The following FAM110B variants were observed in gnomAD, a reference collection of about 807,000 sequenced individuals.
FAM110B encodes the protein protein FAM110B.
In FAM110B, 6 loss-of-function variants were observed where a neutral mutation model predicts 20.4. That is an observed-to-expected ratio of 0.29 (90% CI 0.16 to 0.58). The LOEUF is 0.58. Among genes scored for constraint, FAM110B ranks in the 20% least tolerant of loss-of-function variants. The probability of loss-of-function intolerance (pLI) is 0.90; values close to 1 mark genes in which losing one functional copy is unlikely to be tolerated. For missense variants in FAM110B, 434 were observed against 498.2 expected (o/e 0.87, Z 1.23); for synonymous variants, 226 against 214.1 (o/e 1.06, Z -0.49).
chr8:58,079,623 T>A (rs191578873), intron 3 of FAM110B, among the ~76,000 whole-genome samples: 174 of 151,920 alleles, frequency 1.1e-3, no homozygotes, highest in African/African-American at 3.0e-3. Context: ...CAAAAAAAAA[T>A]TTTTTAAATT....
At chr8:58,037,405 T>C (rs1030972577) in intron 2 of FAM110B, among the ~76,000 whole-genome samples, 4 of 151,808 alleles carry the variant, frequency 2.6e-5, no homozygotes, top group Admixed American at 6.6e-5. Context: ...GGAGGCCAAA[T>C]TGGGAGGATT....
intron 1 of FAM110B, among the ~76,000 whole-genome samples, chr8:58,017,195 A>G (rs1804656381): frequency 6.6e-6 from 1 of 152,186 alleles, no homozygotes; most frequent in South Asian, 2.1e-4. Flanking sequence ...TCCTCAACAA[A>G]GATTTGAGCA....
At position 58,101,513 on chromosome 8, in the gene FAM110B, A is replaced by C. The variant is rs577230726; in HGVS notation, c.-325+25890A>C. ...GTGAACTCTCTAAACATTTTTTTAAAACTTTTCATCAAATAGTAATTCCAT... is the reference window on the plus strand; with the variant it reads ...GTGAACTCTCTAAACATTTTTTTAACACTTTTCATCAAATAGTAATTCCAT... On this transcript the variant is annotated intron_variant, in intron 3 of 3. Coordinates refer to ENST00000519262, the MANE Select transcript of FAM110B (RefSeq NM_001377989.1). 4.6e-5 allele frequency among the ~76,000 whole-genome samples: 7 copies of C among 152,308 alleles called. 1 individual carries two copies. In the East Asian group the frequency reaches 1.3e-3, roughly 29 times the overall value.
intron 3 of FAM110B, among the ~76,000 whole-genome samples, chr8:58,095,062 G>A (rs1806586657): frequency 1.3e-5 from 2 of 152,204 alleles, no homozygotes; most frequent in Admixed American, 1.3e-4. Context: ...ATTCTCTGAT[G>A]GTAGTTTGTA....
At chr8:58,142,871 A>G (rs551189701) in intron 3 of FAM110B, among the ~76,000 whole-genome samples, 3 of 152,280 alleles carry the variant, frequency 2.0e-5, no homozygotes, top group Admixed American at 2.0e-4. Context: ...CTTCCTCAAA[A>G]CAACACGAAG....
At chr8:58,111,939 T>C (rs1224742008) in intron 3 of FAM110B, among the ~76,000 whole-genome samples, 1 of 152,220 alleles carries the variant, frequency 6.6e-6, no homozygotes, top group South Asian at 2.1e-4. Flanking sequence ...TTAGTTACAC[T>C]TCAAGCAAAA....
intron 3 of FAM110B, among the ~76,000 whole-genome samples, chr8:58,096,869 C>T (rs1936144534): frequency 1.3e-5 from 2 of 152,086 alleles, no homozygotes. Context: ...GAATATTGGC[C>T]CCCAGTCTCT....
intron 3 of FAM110B, among the ~76,000 whole-genome samples, chr8:58,096,487 CTT>C (rs1293054156): frequency 1.3e-5 from 2 of 152,282 alleles, no homozygotes; most frequent in Admixed American, 1.3e-4. Context: ...GGTCTTGACT[CTT>C]TATCCAATTT....
intron 1 of FAM110B, among the ~76,000 whole-genome samples, chr8:58,025,780 A>T (rs1437173642): frequency 6.6e-6 from 1 of 152,204 alleles, no homozygotes; most frequent in Non-Finnish European, 1.5e-5. Flanking sequence ...GGATGTTCTT[A>T]TCATGAGCTG....
rs904485387 is a variant in FAM110B at position 58,026,642 on chromosome 8, C to G, written c.-511-4964C>G. On this transcript the variant is annotated intron_variant, in intron 1 of 3. Coordinates refer to ENST00000519262, the MANE Select transcript of FAM110B (RefSeq NM_001377989.1). ...TTTAACAAGGGGATTGTATTACTTG[C>G]AAGAAGTATGGACACCAGGATAGTT... 5.9e-5 allele frequency among the ~76,000 whole-genome samples: 9 copies of G among 152,206 alleles called. No individual in the cohort carries two copies. In the East Asian group the frequency reaches 1.4e-3, roughly 23 times the overall value.
intron 1 of FAM110B, among the ~76,000 whole-genome samples, chr8:58,018,429 A>T (rs1804679872): frequency 6.6e-6 from 1 of 152,092 alleles, no homozygotes; most frequent in Non-Finnish European, 1.5e-5. Context: ...TCTCATGATT[A>T]TAGAGTTTGC....
intron 2 of FAM110B, among the ~76,000 whole-genome samples, chr8:58,067,760 A>C (rs1385683752): frequency 6.6e-6 from 1 of 152,240 alleles, no homozygotes; most frequent in Non-Finnish European, 1.5e-5. Flanking sequence ...ACACATAGTA[A>C]GGGCCTAACA....
intron 1 of FAM110B, among the ~76,000 whole-genome samples, chr8:58,018,009 TG>T (rs1478147661): frequency 2.0e-5 from 3 of 152,224 alleles, no homozygotes; most frequent in Non-Finnish European, 2.9e-5. Flanking sequence ...TCACGTGTAT[TG>T]GGTCATTTTA....
At chr8:58,096,222 C>T (rs898311433) in intron 3 of FAM110B, among the ~76,000 whole-genome samples, 1 of 152,154 alleles carries the variant, frequency 6.6e-6, no homozygotes, top group East Asian at 1.9e-4. Flanking sequence ...TTCACCCAGG[C>T]TGGAGTGCAG....
chr8:58,102,573 T>C (rs1806803789), intron 3 of FAM110B, among the ~76,000 whole-genome samples: 1 of 152,208 alleles, frequency 6.6e-6, no homozygotes, highest in Non-Finnish European at 1.5e-5. Flanking sequence ...CTGGTATGTC[T>C]ATTGCTTTTG....
At chr8:58,004,986 A>G (rs1804371662) in intron 1 of FAM110B, among the ~76,000 whole-genome samples, 1 of 152,140 alleles carries the variant, frequency 6.6e-6, no homozygotes, top group Admixed American at 6.5e-5. Context: ...TAGCAGTTTA[A>G]GTTTTCTTCA....
At chr8:58,041,041 A>G (rs1805207758) in intron 2 of FAM110B, among the ~76,000 whole-genome samples, 1 of 150,438 alleles carries the variant, frequency 6.6e-6, no homozygotes, top group East Asian at 2.0e-4. Context: ...TCCAGGTTCA[A>G]GTGATTCTCC....
intron 1 of FAM110B, among the ~76,000 whole-genome samples, chr8:57,998,925 T>G (rs1804237968): frequency 1.3e-5 from 2 of 152,324 alleles, no homozygotes; most frequent in African/African-American, 4.8e-5. Flanking sequence ...CATCTTAGAT[T>G]TCCTTATACT....
chr8:58,074,988 TA>T (rs1465465893), intron 2 of FAM110B, among the ~76,000 whole-genome samples: 1 of 152,210 alleles, frequency 6.6e-6, no homozygotes, highest in East Asian at 1.9e-4. Flanking sequence ...ATGTCTGTTT[TA>T]AAAAAGAAAC....
Sources: allele counts gnomAD v4.1 joint callset (sites outside exome capture counted in the v4.1 genomes callset), GRCh38; gene constraint gnomAD v4.1.1; transcripts MANE v1.5; gene names NCBI Gene and HGNC (gene_info 2026-07-23, HGNC 2026-07-21).